NEU2: variants seen among roughly 807,000 people sequenced by gnomAD.
NEU2 encodes neuraminidase 2.
In NEU2, 7 loss-of-function variants were observed where a neutral mutation model predicts 6.3. The observed-to-expected ratio is 1.12, with a 90% CI of 0.63 to 2.10. The LOEUF (loss-of-function observed/expected upper bound fraction) is 2.10. Ranked by LOEUF, NEU2 falls within the 30% of genes most tolerant of loss-of-function variation. The pLI is 0.00. For missense variants in NEU2, 509 were observed against 504.0 expected, an observed-to-expected ratio of 1.01 and a Z score of -0.09; for synonymous variants, 208 against 223.3, an observed-to-expected ratio of 0.93 and a Z score of 0.61.
rs566844536 is a variant in NEU2 at position 233,034,031 on chromosome 2, G to T, written c.202-85G>T. ...TGACTCTAACCCGGGAGACACACCC[G>T]TGCCCACCCCTCCCACTCATGCAGC... On this transcript the variant is annotated intron_variant, in intron 1 of 1. Coordinates refer to ENST00000233840, the MANE Select transcript of NEU2 (RefSeq NM_005383.2). The surrounding 1 kb of genome is among the most constrained non-coding windows in gnomAD (Gnocchi z 4.8). The T allele has an allele frequency of 8.4e-7, 1 of 1,194,388 alleles. No homozygotes were observed. The highest frequency in any genetic ancestry group is 1.2e-6 in the Non-Finnish European group (1 of 846,962). The allele number at this position is 1,194,388 out of a possible 1,614,324, so 74.0% of individuals were successfully genotyped here. A position where few individuals can be genotyped will look rare whatever the true frequency, so the allele number is the denominator to read the frequency against.
chr2:233,034,666 A>G lies in NEU2; in HGVS notation c.752A>G (p.Asp251Gly). ...AGGGTCCAGGCCCAGAGCACCAATGACGGGCTTGATTTCCAGGAGTCTCAG... is the reference window on the plus strand; with the variant it reads ...AGGGTCCAGGCCCAGAGCACCAATGGCGGGCTTGATTTCCAGGAGTCTCAG... ...RARVQAQSTN[D>G]GLDFQESQLV... The change falls in exon 2 of 2, where the codon GAC becomes GGC. Residue 251 changes from aspartate to glycine, a missense_variant. Physicochemically the swap from Asp to Gly is moderately conservative, Grantham distance 94. Coordinates refer to ENST00000233840, the MANE Select transcript of NEU2 (RefSeq NM_005383.2). The surrounding 1 kb of genome is among the most constrained non-coding windows in gnomAD (Gnocchi z 4.8). The G allele has an allele frequency of 6.4e-7, 1 of 1,573,068 alleles. No homozygotes were observed. Among genetic ancestry groups the G allele is most frequent in the South Asian group, 1.2e-5 (1 of 85,578 alleles).
chr2:233,034,042 T>A lies in NEU2; in HGVS notation c.202-74T>A. 4 of 1,311,456 alleles carry A rather than the reference T, an allele frequency of 3.1e-6. No homozygotes were observed. Among genetic ancestry groups the A allele is most frequent in the Non-Finnish European group, 4.2e-6 (4 of 949,818 alleles). 81.2% of individuals were successfully genotyped at this position (1,311,456 alleles called of 1,614,324 possible). ...CGGGAGACACACCCGTGCCCACCCC[T>A]CCCACTCATGCAGCTCCTGGCACCA... On this transcript the variant is annotated intron_variant, in intron 1 of 1. Transcript: ENST00000233840. This position sits in a 1 kb window ranked among gnomAD's most constrained non-coding sequence, Gnocchi z 4.8.
chr2:233,032,835 G>T lies in NEU2; in HGVS notation c.164G>T (p.Arg55Leu). The change falls in exon 1 of 2, where the codon CGC (arginine) becomes CTC (leucine). Residue 55 changes from arginine to leucine, a missense_variant. Coordinates refer to ENST00000233840, the MANE Select transcript of NEU2 (RefSeq NM_005383.2). ...GAGCACGCAGAGCTGATTGTCCTGCGCAGAGGAGACTACGACGCACCCACC... is the reference window on the plus strand; with the variant it reads ...GAGCACGCAGAGCTGATTGTCCTGCTCAGAGGAGACTACGACGCACCCACC... ...KDEHAELIVLRRGDYDAPTHQ... is the reference protein window; with the variant it reads ...KDEHAELIVLLRGDYDAPTHQ... The T allele has an allele frequency of 6.2e-7, 1 of 1,613,462 alleles. No individual in the cohort carries two copies. Among genetic ancestry groups the T allele is most frequent in the Non-Finnish European group, 8.5e-7 (1 of 1,179,746 alleles).
rs772894674 is a variant in NEU2, at chr2:233,032,832, T to C, written c.161T>C (p.Leu54Pro). The change falls in exon 1 of 2, where the codon CTG becomes CCG. Residue 54 changes from leucine (L) to proline (P), a missense_variant. By Grantham distance (98) the Leu-to-Pro change is moderately conservative. Transcript: ENST00000233840. ...KKDEHAELIV[L>P]RRGDYDAPTH... ...GATGAGCACGCAGAGCTGATTGTCC[T>C]GCGCAGAGGAGACTACGACGCACCC... 1 of 1,613,770 alleles carries C rather than the reference T, an allele frequency of 6.2e-7. No individual in the cohort carries two copies. Among genetic ancestry groups the C allele is most frequent in the Non-Finnish European group, 8.5e-7 (1 of 1,179,846 alleles).
At chr2:233,033,199 G>A (rs1559255586) in intron 1 of NEU2, among the ~76,000 whole-genome samples, 1 of 152,180 alleles carries the variant, frequency 6.6e-6, no homozygotes, top group Non-Finnish European at 1.5e-5. Flanking sequence ...TTGGGGACTT[G>A]GGGTGGGGTG....
rs145543414 is a variant in NEU2, at chr2:233,034,740, G to A, written c.826G>A (p.Val276Ile). Reference protein sequence around the residue: ...EPPPQGCQGSVISFPSPRSGP... With the variant: ...EPPPQGCQGSIISFPSPRSGP... ...GCCGCCCCAGGGCTGCCAGGGGAGC[G>A]TCATCAGCTTCCCCAGCCCCCGCTC... The change falls in exon 2 of 2, where the codon GTC becomes ATC. Residue 276 changes from valine to isoleucine, a missense_variant. Coordinates refer to ENST00000233840, the MANE Select transcript of NEU2 (RefSeq NM_005383.2). This position sits in a 1 kb window ranked among gnomAD's most constrained non-coding sequence, Gnocchi z 4.8. 21 of 1,539,326 alleles carry A rather than the reference G, an allele frequency of 1.4e-5. No individual in the cohort carries two copies. The highest frequency in any genetic ancestry group is 8.3e-5 in the African/African-American group (6 of 72,630).
At chr2:233,033,127 C>T (rs1690537685) in intron 1 of NEU2, among the ~76,000 whole-genome samples, 1 of 152,166 alleles carries the variant, frequency 6.6e-6, no homozygotes, top group Non-Finnish European at 1.5e-5. Flanking sequence ...TCCGTGATGA[C>T]CTCACGGAGG....
At chr2:233,033,956 G>A (rs1425501383) in intron 1 of NEU2, among the ~76,000 whole-genome samples, 160 bp from the exon 2 acceptor site, 2 of 152,172 alleles carry the variant, frequency 1.3e-5, no homozygotes, top group Non-Finnish European at 2.9e-5. Flanking sequence ...CTGGGGAAAC[G>A]TTGCAAGGAG....
At chr2:233,033,440 T>C (rs528353186) in intron 1 of NEU2, among the ~76,000 whole-genome samples, 13 of 152,194 alleles carry the variant, frequency 8.5e-5, no homozygotes, top group African/African-American at 2.7e-4. Flanking sequence ...CCTGTCGCGG[T>C]CTCTTGCTCA....
rs745665960 is a variant in NEU2, at chr2:233,034,495, C to T, written c.581C>T (p.Ala194Val). Residue 194 changes from alanine to valine, a missense_variant, in exon 2 of 2, where the codon GCC (alanine) becomes GTC (valine). Coordinates refer to ENST00000233840, the MANE Select transcript of NEU2 (RefSeq NM_005383.2). The surrounding 1 kb of genome is among the most constrained non-coding windows in gnomAD (Gnocchi z 4.8). Reference protein sequence around the residue: ...LHPIQRPIPSAFCFLSHDHGR... With the variant: ...LHPIQRPIPSVFCFLSHDHGR... ...CCCATCCAAAGGCCGATCCCCTCTG[C>T]CTTCTGCTTCCTCAGCCATGACCAT... 1 of 1,614,150 alleles carries T rather than the reference C, an allele frequency of 6.2e-7. No individual in the cohort carries two copies. The highest frequency in any genetic ancestry group is 8.5e-7 in the Non-Finnish European group (1 of 1,180,010).
In NEU2 at chr2:233,034,349, G is replaced by C. The variant is rs200301557; in HGVS notation, c.435G>C (p.Ala145=). The C allele has an allele frequency of 6.2e-7, 1 of 1,613,864 alleles. No individual in the cohort carries two copies. ...TWSSPRDLTD[A]AIGPAYREWS... is the part of the protein sequence containing the mutation. Reference sequence around the variant, plus strand: ...GCTCCCCCAGAGACCTCACTGATGCGGCCATCGGCCCAGCCTACCGGGAGT... The same window carrying C: ...GCTCCCCCAGAGACCTCACTGATGCCGCCATCGGCCCAGCCTACCGGGAGT... Residue 145 remains alanine (A), a synonymous_variant, in exon 2 of 2, where the codon GCG becomes GCC. Coordinates refer to ENST00000233840, the MANE Select transcript of NEU2 (RefSeq NM_005383.2). The surrounding 1 kb of genome is among the most constrained non-coding windows in gnomAD (Gnocchi z 4.8).
Position 233,034,292 on chromosome 2 carries a change from A to C in NEU2, c.378A>C (p.Gln126His), listed in dbSNP as rs761789894. Residue 126 changes from glutamine (Q) to histidine (H), a missense_variant, in exon 2 of 2, where the codon CAA becomes CAC. Gln to His is a conservative substitution (Grantham distance 24). Coordinates refer to ENST00000233840, the MANE Select transcript of NEU2 (RefSeq NM_005383.2). This position sits in a 1 kb window ranked among gnomAD's most constrained non-coding sequence, Gnocchi z 4.8. ...QTRANVTRLC[Q>H]VTSTDHGRTW... ...GGGCCAATGTGACGCGGCTGTGCCA[A>C]GTCACCAGCACTGACCACGGGAGGA... 1 of 1,614,156 alleles carries C rather than the reference A, an allele frequency of 6.2e-7. No individual in the cohort carries two copies. Among genetic ancestry groups the C allele is most frequent in the Middle Eastern group, 1.6e-4 (1 of 6,062 alleles).
At position 233,034,984 on chromosome 2, in the gene NEU2, A is replaced by G. The variant is rs745433728; in HGVS notation, c.1070A>G (p.Asn357Ser). 10 of 1,613,934 alleles carry G rather than the reference A, an allele frequency of 6.2e-6. No individual in the cohort carries two copies. Among genetic ancestry groups the G allele is most frequent in the South Asian group, 4.4e-5 (4 of 91,088 alleles). Reference protein sequence around the residue: ...SPLFGCLYEANDYEEIVFLMF... With the variant: ...SPLFGCLYEASDYEEIVFLMF... ...TTGTTTGGGTGTCTGTACGAAGCCA[A>G]TGATTACGAGGAGATTGTCTTTCTC... The change falls in exon 2 of 2, where the codon AAT becomes AGT. Residue 357 changes from asparagine to serine, a missense_variant. By Grantham distance (46) the Asn-to-Ser change is conservative. Transcript: ENST00000233840. The surrounding 1 kb of genome is among the most constrained non-coding windows in gnomAD (Gnocchi z 4.8).
At chr2:233,032,907 G>T in intron 1 of NEU2, 35 bp downstream of exon 1, 1 of 1,551,888 alleles carries the variant, frequency 6.4e-7, no homozygotes, top group Non-Finnish European at 8.7e-7. Flanking sequence ...GCTCCCCAGG[G>T]CTCTGCCACA....
In NEU2 at chr2:233,034,022, G is replaced by A; in HGVS notation, c.202-94G>A. ...GATGACTTTTGACTCTAACCCGGGA[G>A]ACACACCCGTGCCCACCCCTCCCAC... On this transcript the variant is annotated intron_variant, in intron 1 of 1. Coordinates refer to ENST00000233840, the MANE Select transcript of NEU2 (RefSeq NM_005383.2). The surrounding 1 kb of genome is among the most constrained non-coding windows in gnomAD (Gnocchi z 4.8). 9.3e-7 allele frequency: 1 copy of A among 1,078,550 alleles called. No homozygotes were observed. Among genetic ancestry groups the A allele is most frequent in the Non-Finnish European group, 1.3e-6 (1 of 744,816 alleles). 66.8% of individuals were successfully genotyped at this position (1,078,550 alleles called of 1,614,324 possible). A position where few individuals can be genotyped will look rare whatever the true frequency, so the allele number is the denominator to read the frequency against.
At position 233,034,572 on chromosome 2, in the gene NEU2, C is replaced by G. The variant is rs1375475252; in HGVS notation, c.658C>G (p.Gln220Glu). The G allele has an allele frequency of 3.1e-6, 5 of 1,614,032 alleles. No homozygotes were observed. The highest frequency in any genetic ancestry group is 1.1e-5 in the South Asian group (1 of 91,054). The change falls in exon 2 of 2, where the codon CAG (glutamine) becomes GAG (glutamate). Residue 220 changes from glutamine to glutamate, a missense_variant. Coordinates refer to ENST00000233840, the MANE Select transcript of NEU2 (RefSeq NM_005383.2). This position sits in a 1 kb window ranked among gnomAD's most constrained non-coding sequence, Gnocchi z 4.8. ...TGTGGCCCAGGACACCCTGGAGTGC[C>G]AGGTGGCCGAAGTCGAGACTGGGGA... ...HFVAQDTLECQVAEVETGEQR... is the reference protein window; with the variant it reads ...HFVAQDTLECEVAEVETGEQR...
At position 233,032,749 on chromosome 2, in the gene NEU2, C is replaced by T; in HGVS notation, c.78C>T (p.Leu26=). ...GAHAYRIPAL[L]YLPGQQSLLA... ...ATGCCTACAGAATCCCTGCCCTGCT[C>T]TACCTGCCTGGGCAGCAGTCCCTGC... Residue 26 remains leucine, a synonymous_variant, in exon 1 of 2, where the codon CTC becomes CTT. Transcript: ENST00000233840. 1 of 1,614,250 alleles carries T rather than the reference C, an allele frequency of 6.2e-7. No individual in the cohort carries two copies. The highest frequency in any genetic ancestry group is 8.5e-7 in the Non-Finnish European group (1 of 1,180,038).
chr2:233,032,977 A>G, intron 1 of NEU2, 105 bp downstream of exon 1: 2 of 1,202,232 alleles, frequency 1.7e-6, no homozygotes, highest in Non-Finnish European at 2.3e-6. Context: ...GGACAACTTT[A>G]TCCCTCAATG....
Position 233,034,649 on chromosome 2 carries a change from G to A in NEU2, c.735G>A (p.Gln245=). 1 of 1,591,638 alleles carries A rather than the reference G, an allele frequency of 6.3e-7. No homozygotes were observed. Among genetic ancestry groups the A allele is most frequent in the East Asian group, 2.2e-5 (1 of 44,548 alleles). Residue 245 remains glutamine (Q), a synonymous_variant, in exon 2 of 2, where the codon CAG becomes CAA. Transcript: ENST00000233840. The surrounding 1 kb of genome is among the most constrained non-coding windows in gnomAD (Gnocchi z 4.8). ...NARSHLRARV[Q]AQSTNDGLDF... ...GAAGCCACCTCCGAGCCAGGGTCCAGGCCCAGAGCACCAATGACGGGCTTG... is the reference window on the plus strand; with the variant it reads ...GAAGCCACCTCCGAGCCAGGGTCCAAGCCCAGAGCACCAATGACGGGCTTG...
Sources: allele counts gnomAD v4.1 joint callset (sites outside exome capture counted in the v4.1 genomes callset), GRCh38; gene constraint gnomAD v4.1.1; non-coding constraint Gnocchi (gnomAD v3.1); transcripts MANE v1.5; gene names NCBI Gene and HGNC (gene_info 2026-07-23, HGNC 2026-07-21).